Variants in RANBP2 observed in about 807,000 individuals in gnomAD.
The protein encoded by RANBP2 is E3 SUMO-protein ligase RanBP2.
RANBP2 carries 57 observed loss-of-function variants against 303.6 expected under a neutral mutation model. That is an observed-to-expected ratio of 0.19 (90% CI 0.15 to 0.23). The LOEUF (loss-of-function observed/expected upper bound fraction) is 0.23. Ranked by LOEUF, RANBP2 falls within the 10% of genes least tolerant of loss-of-function variation. The pLI, the probability that RANBP2 is intolerant of heterozygous loss-of-function variation, is 1.00. For missense variants in RANBP2, 3,138 were observed against 3,780.8 expected, an observed-to-expected ratio of 0.83 and a Z score of 4.46; for synonymous variants, 1,167 against 1,301.5, an observed-to-expected ratio of 0.90 and a Z score of 2.23.
chr2:109,235,170 C>CT, the RANBP2 span, among the ~76,000 whole-genome samples: 1 of 152,182 alleles, frequency 6.6e-6, no homozygotes, highest in African/African-American at 2.4e-5. Context: ...TTTCTAAACA[C>CT]TTCAGAGCGG....
the RANBP2 span, among the ~76,000 whole-genome samples, chr2:109,506,476 G>A: frequency 6.6e-6 from 1 of 152,220 alleles, no homozygotes; most frequent in African/African-American, 2.4e-5. Flanking sequence ...TGGAGAGAGG[G>A]AGCCACACTC....
the RANBP2 span, among the ~76,000 whole-genome samples, chr2:109,090,199 C>T: frequency 6.6e-6 from 1 of 151,946 alleles, no homozygotes; most frequent in Non-Finnish European, 1.5e-5. Flanking sequence ...GGGTGTCCAC[C>T]TGCTGCCAAT....
At chr2:109,055,527 A>ATTTTCTTTTCTTTTCTTTTC in the RANBP2 span, among the ~76,000 whole-genome samples, 35 of 151,222 alleles carry the variant, frequency 2.3e-4, no homozygotes, top group East Asian at 4.5e-3. Context: ...TGTCCGGCTA[A>ATTTTCTTTTCTTTTCTTTTC]TTTTCTTTTC....
the RANBP2 span, among the ~76,000 whole-genome samples, chr2:108,837,968 A>T: frequency 6.6e-6 from 1 of 151,988 alleles, no homozygotes; most frequent in Non-Finnish European, 1.5e-5. Flanking sequence ...GATGGTAGGA[A>T]GACAGGAGTC....
the RANBP2 span, among the ~76,000 whole-genome samples, chr2:108,818,376 ATAT>A: frequency 2.0e-5 from 3 of 152,186 alleles, no homozygotes; most frequent in Non-Finnish European, 2.9e-5. Flanking sequence ...CAAGAGAATA[ATAT>A]TTAGCACGTG....
chr2:109,270,540 A>T, the RANBP2 span, among the ~76,000 whole-genome samples: 1 of 152,262 alleles, frequency 6.6e-6, no homozygotes, highest in African/African-American at 2.4e-5. Context: ...TTCCTCTGTG[A>T]TCAGCGGTGA....
the RANBP2 span, among the ~76,000 whole-genome samples, chr2:109,340,275 A>G: frequency 1.3e-5 from 2 of 152,292 alleles, no homozygotes; most frequent in East Asian, 3.9e-4. Context: ...TATAAGGCCA[A>G]GCTCACAGGG....
At chr2:109,291,593 T>C in the RANBP2 span, among the ~76,000 whole-genome samples, 1 of 152,240 alleles carries the variant, frequency 6.6e-6, no homozygotes, top group Non-Finnish European at 1.5e-5. Context: ...TGTGATCTGC[T>C]GAGCCCAGGC....
chr2:109,152,885 C>T, the RANBP2 span, among the ~76,000 whole-genome samples: 7 of 152,162 alleles, frequency 4.6e-5, no homozygotes, highest in African/African-American at 1.7e-4. Flanking sequence ...AGTACTTGCT[C>T]CTTGTTCTCG....
the RANBP2 span, among the ~76,000 whole-genome samples, chr2:109,252,910 G>T: frequency 1.3e-5 from 2 of 152,206 alleles, no homozygotes; most frequent in Non-Finnish European, 2.9e-5. Flanking sequence ...AAAATCCTAA[G>T]TCAGCCCATC....
chr2:109,616,338 T>C, the RANBP2 span: 2 of 293,832 alleles, frequency 6.8e-6, no homozygotes, highest in Non-Finnish European at 1.3e-5. Context: ...TGTATCTAAA[T>C]TGGGGGAACA....
At chr2:109,339,900 CTCCACA>C in the RANBP2 span, among the ~76,000 whole-genome samples, 6 of 152,222 alleles carry the variant, frequency 3.9e-5, no homozygotes, top group African/African-American at 1.4e-4. Context: ...ATTATCAGGG[CTCCACA>C]GAGGCTTCCC....
chr2:108,938,905 G>C, the RANBP2 span, among the ~76,000 whole-genome samples: 9 of 142,568 alleles, frequency 6.3e-5, no homozygotes, highest in South Asian at 2.2e-4. Flanking sequence ...TCAGCCTCTC[G>C]AGTAGCTGCG....
the RANBP2 span, among the ~76,000 whole-genome samples, chr2:109,100,314 A>T: frequency 6.6e-6 from 1 of 152,156 alleles, no homozygotes; most frequent in African/African-American, 2.4e-5. Context: ...TTAGATTCTC[A>T]TAGGAGTGTG....
At chr2:109,324,379 A>AAGTGG in the RANBP2 span, among the ~76,000 whole-genome samples, 1 of 152,200 alleles carries the variant, frequency 6.6e-6, no homozygotes, top group Admixed American at 6.5e-5. Flanking sequence ...CAGTTGTTCC[A>AAGTGG]AGTGGCTGCA....
the RANBP2 span, among the ~76,000 whole-genome samples, chr2:109,267,634 G>A: frequency 2.6e-5 from 4 of 152,182 alleles, no homozygotes; most frequent in Non-Finnish European, 4.4e-5. Context: ...GGGAGCCAGG[G>A]GAGCCACTCC....
At chr2:108,957,020 C>T in the RANBP2 span, among the ~76,000 whole-genome samples, 1 of 152,342 alleles carries the variant, frequency 6.6e-6, no homozygotes, top group Admixed American at 6.5e-5. Flanking sequence ...AAACTCCCGA[C>T]CTCAGGTGAT....
the RANBP2 span, among the ~76,000 whole-genome samples, chr2:109,573,116 T>C: frequency 6.6e-6 from 1 of 152,196 alleles, no homozygotes; most frequent in Non-Finnish European, 1.5e-5. Flanking sequence ...TCTATTTACA[T>C]GGATCAATTT....
the RANBP2 span, among the ~76,000 whole-genome samples, chr2:109,099,136 T>C: frequency 6.6e-6 from 1 of 152,154 alleles, no homozygotes; most frequent in African/African-American, 2.4e-5. Flanking sequence ...GTGTACTTAT[T>C]TATCAGGTTA....
Sources: allele counts gnomAD v4.1 joint callset (sites outside exome capture counted in the v4.1 genomes callset), GRCh38; gene constraint gnomAD v4.1.1; transcripts MANE v1.5; gene names NCBI Gene and HGNC (gene_info 2026-07-23, HGNC 2026-07-21).